The following IMMP2L variants were observed in gnomAD, a reference collection of about 807,000 sequenced individuals.
The protein encoded by IMMP2L is inner mitochondrial membrane peptidase subunit 2, also known as mitochondrial inner membrane protease subunit 2.
IMMP2L carries 18 observed loss-of-function variants against 19.3 expected under a neutral mutation model. That is an observed-to-expected ratio of 0.93 (90% CI 0.64 to 1.38). The LOEUF (loss-of-function observed/expected upper bound fraction) is 1.38. Among genes scored for constraint, IMMP2L ranks in the 40% most tolerant of loss-of-function variants. IMMP2L has a pLI of 0.00. For synonymous variants in IMMP2L, 76 were observed against 73.0 expected, an observed-to-expected ratio of 1.04 and a Z score of -0.21; for missense variants, 233 against 218.2, an observed-to-expected ratio of 1.07 and a Z score of -0.43.
At chr7:110,768,606 A>G (rs905741525) in intron 5 of IMMP2L, among the ~76,000 whole-genome samples, 5 of 152,132 alleles carry the variant, frequency 3.3e-5, no homozygotes, top group Admixed American at 6.5e-5. Context: ...TATACATGTT[A>G]TTCCTTCAGC....
In IMMP2L at chr7:111,099,116, C is replaced by T. The variant is rs1044031650; in HGVS notation, c.240-135551G>A. On this transcript the variant is annotated intron_variant, in intron 3 of 5. Coordinates refer to ENST00000405709, the MANE Select transcript of IMMP2L (RefSeq NM_032549.4). The stretch of plus-strand genomic sequence containing the variant: ...GTGAACTGGCAGCTTATAACTTCCT[C>T]TATCATCATTTTTCCATCGAGTGGA... Among the ~76,000 whole-genome samples, 8 of 151,782 alleles carry T rather than the reference C, an allele frequency of 5.3e-5. No individual in the cohort carries two copies. The East Asian group carries it at 1.2e-3, about 22-fold the overall frequency.
chr7:111,065,195 C>A (rs1794380187), intron 3 of IMMP2L, among the ~76,000 whole-genome samples: 1 of 152,080 alleles, frequency 6.6e-6, no homozygotes, highest in Non-Finnish European at 1.5e-5. Flanking sequence ...AAGAAAATAT[C>A]TTCATTTTAT....
chr7:110,818,199 T>C (rs2131315641), intron 5 of IMMP2L, among the ~76,000 whole-genome samples: 1 of 152,140 alleles, frequency 6.6e-6, no homozygotes, highest in African/African-American at 2.4e-5. Flanking sequence ...GGAGAAAATT[T>C]TCGCAACCTA....
intron 3 of IMMP2L, among the ~76,000 whole-genome samples, chr7:111,192,485 C>A (rs781293919): frequency 6.6e-6 from 1 of 152,072 alleles, no homozygotes; most frequent in Non-Finnish European, 1.5e-5. Context: ...CTTTTCTTTT[C>A]GCTTCTTCCA....
At chr7:110,926,510 A>C (rs1353338879) in intron 4 of IMMP2L, among the ~76,000 whole-genome samples, 2 of 152,150 alleles carry the variant, frequency 1.3e-5, no homozygotes, top group African/African-American at 4.8e-5. Flanking sequence ...CAAGAAATAT[A>C]ATCCTCATCT....
intron 3 of IMMP2L, among the ~76,000 whole-genome samples, chr7:111,100,752 G>A (rs1401461939): frequency 1.3e-5 from 2 of 151,182 alleles, no homozygotes; most frequent in Admixed American, 6.6e-5. Flanking sequence ...AAAATATCAT[G>A]GTTGAATTCC....
At chr7:111,535,545 T>G (rs1415138755) in intron 1 of IMMP2L, among the ~76,000 whole-genome samples, 2 of 152,114 alleles carry the variant, frequency 1.3e-5, no homozygotes, top group African/African-American at 4.8e-5. Flanking sequence ...AGGGAGTGAA[T>G]TAAACAGTCA....
At chr7:111,452,114 T>C (rs1025292588) in intron 3 of IMMP2L, among the ~76,000 whole-genome samples, 1 of 151,870 alleles carries the variant, frequency 6.6e-6, no homozygotes, top group African/African-American at 2.4e-5. Context: ...TAGTAACAGT[T>C]ACATATTAAT....
chr7:111,219,471 T>C (rs1179125920), intron 3 of IMMP2L, among the ~76,000 whole-genome samples: 1 of 152,030 alleles, frequency 6.6e-6, no homozygotes, highest in Non-Finnish European at 1.5e-5. Flanking sequence ...TATTTGCCAG[T>C]GGATAAATTT....
chr7:111,166,630 G>A (rs749993000), intron 3 of IMMP2L, among the ~76,000 whole-genome samples: 3 of 151,830 alleles, frequency 2.0e-5, no homozygotes, highest in South Asian at 4.1e-4. Context: ...CAAACTGGGC[G>A]GCTTCCAAGA....
chr7:111,031,877 G>A (rs1790859033), intron 3 of IMMP2L, among the ~76,000 whole-genome samples: 1 of 151,322 alleles, frequency 6.6e-6, no homozygotes, highest in South Asian at 2.1e-4. Flanking sequence ...CTTTACCTCT[G>A]TGGTCTTACT....
At chr7:111,355,230 C>A (rs1027585715) in intron 3 of IMMP2L, among the ~76,000 whole-genome samples, 2 of 150,984 alleles carry the variant, frequency 1.3e-5, no homozygotes, top group Non-Finnish European at 3.0e-5. Flanking sequence ...CAATGTACAT[C>A]GAATTTTTTA....
intron 5 of IMMP2L, among the ~76,000 whole-genome samples, chr7:110,845,405 C>G (rs1278551619): frequency 6.6e-6 from 1 of 152,086 alleles, no homozygotes; most frequent in Non-Finnish European, 1.5e-5. Context: ...TTAAAAAGCT[C>G]CCAGCTGAGT....
intron 3 of IMMP2L, among the ~76,000 whole-genome samples, chr7:111,089,320 ATTGGT>A (rs1249201009): frequency 6.6e-6 from 1 of 152,118 alleles, no homozygotes; most frequent in East Asian, 1.9e-4. Flanking sequence ...GTGCATTATA[ATTGGT>A]TTGATTACTG....
intron 3 of IMMP2L, among the ~76,000 whole-genome samples, chr7:111,130,982 C>T (rs1801790386): frequency 6.6e-6 from 1 of 151,856 alleles, no homozygotes; most frequent in African/African-American, 2.4e-5. Context: ...TAGTACAGAA[C>T]TTTCATATTA....
chr7:111,235,616 G>A (rs1814211253), intron 3 of IMMP2L, among the ~76,000 whole-genome samples: 1 of 150,636 alleles, frequency 6.6e-6, no homozygotes, highest in African/African-American at 2.4e-5. Flanking sequence ...TCTTTTTTTT[G>A]GCCTTCTTTT....
intron 3 of IMMP2L, among the ~76,000 whole-genome samples, chr7:111,355,437 T>C (rs1828600520): frequency 6.6e-6 from 1 of 151,760 alleles, no homozygotes; most frequent in South Asian, 2.1e-4. Context: ...TCAATGTAAA[T>C]TGTAATATTG....
intron 3 of IMMP2L, among the ~76,000 whole-genome samples, chr7:111,465,191 C>T (rs868778689): frequency 6.6e-6 from 1 of 152,214 alleles, no homozygotes; most frequent in Non-Finnish European, 1.5e-5. Flanking sequence ...TCTCTGACCC[C>T]TATATGGTGT....
intron 3 of IMMP2L, among the ~76,000 whole-genome samples, chr7:111,026,934 CA>C (rs1826895811): frequency 6.6e-6 from 1 of 152,128 alleles, no homozygotes; most frequent in East Asian, 1.9e-4. Flanking sequence ...TGGGGCCTTA[CA>C]AAAGACGTAA....
Sources: allele counts gnomAD v4.1 joint callset (sites outside exome capture counted in the v4.1 genomes callset), GRCh38; gene constraint gnomAD v4.1.1; transcripts MANE v1.5; gene names NCBI Gene and HGNC (gene_info 2026-07-23, HGNC 2026-07-21).